The following DUSP13B variants were observed in gnomAD, a reference collection of about 807,000 sequenced individuals.
DUSP13B encodes dual specificity phosphatase 13B, also known as dual specificity protein phosphatase 13B.
chr10:75,097,601 G>T, the DUSP13B span: 2 of 1,014,696 alleles, frequency 2.0e-6, no homozygotes, highest in Non-Finnish European at 1.4e-6. Context: ...ACGGTGGGAG[G>T]CAAGCGTGCC....
chr10:75,109,048 C>A, the DUSP13B span: 2 of 1,611,542 alleles, frequency 1.2e-6, no homozygotes, highest in East Asian at 2.2e-5. Context: ...TTCGTCCACA[C>A]GGCTGCAAGA....
the DUSP13B span, chr10:75,109,002 C>T: frequency 6.3e-7 from 1 of 1,595,110 alleles, no homozygotes; most frequent in East Asian, 2.3e-5. Context: ...GGCCAGCTAC[C>T]ACTCACGCAT....
At chr10:75,094,761 T>A in the DUSP13B span, 72 of 1,614,032 alleles carry the variant, frequency 4.5e-5, no homozygotes, top group Non-Finnish European at 5.9e-5. Flanking sequence ...GATATTGCGG[T>A]GGGCCTGCAC....
the DUSP13B span, chr10:75,104,162 T>C: frequency 1.7e-6 from 2 of 1,199,496 alleles, no homozygotes; most frequent in Non-Finnish European, 2.2e-6. Context: ...CTGGGACTTG[T>C]TGGGGCAGGG....
the DUSP13B span, chr10:75,107,900 A>C: frequency 7.2e-7 from 1 of 1,388,570 alleles, no homozygotes; most frequent in African/African-American, 1.4e-5. Context: ...TTTAAAAAGC[A>C]GGGATGGGAG....
the DUSP13B span, chr10:75,108,048 C>G: frequency 6.2e-7 from 1 of 1,613,890 alleles, no homozygotes; most frequent in Non-Finnish European, 8.5e-7. Context: ...GAAGTAGGCA[C>G]TGATGTCAAA....
chr10:75,101,753 C>T, the DUSP13B span: 72 of 660,748 alleles, frequency 1.1e-4, no homozygotes, highest in Admixed American at 1.6e-3. Flanking sequence ...AGTCGGTTCT[C>T]TACCCAACCC....
chr10:75,101,361 C>T, the DUSP13B span, among the ~76,000 whole-genome samples: 1 of 152,188 alleles, frequency 6.6e-6, no homozygotes, highest in African/African-American at 2.4e-5. Context: ...ATTATCACTA[C>T]TATAATTACT....
the DUSP13B span, among the ~76,000 whole-genome samples, chr10:75,097,151 T>C: frequency 7.9e-5 from 12 of 152,222 alleles, no homozygotes; most frequent in African/African-American, 2.4e-4. Flanking sequence ...TAATATCCTT[T>C]TTCTTCACTG....
At chr10:75,094,728 C>T in the DUSP13B span, 55 of 1,614,012 alleles carry the variant, frequency 3.4e-5, no homozygotes, top group Admixed American at 3.2e-4. Context: ...CTGGAGCTGC[C>T]GGAGGAAGCC....
At chr10:75,108,165 G>T in the DUSP13B span, 1 of 1,612,346 alleles carries the variant, frequency 6.2e-7, no homozygotes, top group Non-Finnish European at 8.5e-7. Context: ...CAGCACGTGG[G>T]TGATGCCCAG....
chr10:75,100,504 A>T, the DUSP13B span, among the ~76,000 whole-genome samples: 1 of 152,020 alleles, frequency 6.6e-6, no homozygotes, highest in Non-Finnish European at 1.5e-5. Context: ...GGTTTCTGAC[A>T]CCTGAGACTT....
chr10:75,097,427 C>G, the DUSP13B span, among the ~76,000 whole-genome samples: 1 of 152,196 alleles, frequency 6.6e-6, no homozygotes, highest in Non-Finnish European at 1.5e-5. Context: ...CCAGGCTGGT[C>G]TCGAACTTCT....
At chr10:75,099,186 G>A in the DUSP13B span, 1 of 1,224,206 alleles carries the variant, frequency 8.2e-7, no homozygotes, top group Non-Finnish European at 1.0e-6. Context: ...AGGGGGTCCT[G>A]TCTTTGCTAA....
chr10:75,104,032 C>G, the DUSP13B span: 1 of 1,363,082 alleles, frequency 7.3e-7, no homozygotes, highest in Non-Finnish European at 9.8e-7. Context: ...CCTCCAGCAG[C>G]ACCAGCAGGA....
At chr10:75,099,563 G>A in the DUSP13B span, 1 of 1,229,236 alleles carries the variant, frequency 8.1e-7, no homozygotes, top group Non-Finnish European at 1.0e-6. Context: ...TGCTGGCTGG[G>A]GCGCCCATGG....
At chr10:75,106,364 G>A in the DUSP13B span, among the ~76,000 whole-genome samples, 1 of 151,830 alleles carries the variant, frequency 6.6e-6, no homozygotes, top group Admixed American at 6.6e-5. Flanking sequence ...CATGGTTTCT[G>A]ACCTCCAGCC....
chr10:75,100,132 T>G, the DUSP13B span, among the ~76,000 whole-genome samples: 1 of 152,072 alleles, frequency 6.6e-6, no homozygotes, highest in African/African-American at 2.4e-5. Flanking sequence ...TGGTGGCCAA[T>G]GGGTGTGTCA....
At chr10:75,108,950 G>T in the DUSP13B span, 1 of 1,537,544 alleles carries the variant, frequency 6.5e-7, no homozygotes, top group South Asian at 1.3e-5. Flanking sequence ...CTGGTAAAGC[G>T]ACCAAGAACT....
Sources: allele counts gnomAD v4.1 joint callset (sites outside exome capture counted in the v4.1 genomes callset), GRCh38; gene constraint gnomAD v4.1.1; transcripts MANE v1.5; gene names NCBI Gene and HGNC (gene_info 2026-07-23, HGNC 2026-07-21).